Variants in MED15 observed in about 807,000 individuals in gnomAD.
MED15 encodes mediator complex subunit 15.
MED15 carries 41 observed loss-of-function variants against 118.7 expected under a neutral mutation model. The ratio of observed to expected loss-of-function variants is 0.35; its 90% CI spans 0.27 to 0.45. MED15 has a LOEUF of 0.45. Among genes scored for constraint, MED15 ranks in the 20% least tolerant of loss-of-function variants. MED15 has a pLI of 1.00. For synonymous variants in MED15, 436 were observed against 413.9 expected, an observed-to-expected ratio of 1.05 and a Z score of -0.65; for missense variants, 740 against 1,025.5, an observed-to-expected ratio of 0.72 and a Z score of 3.80.
In MED15 at chr22:20,557,469, A is replaced by G. The variant is rs5758468; in HGVS notation, c.451+2321A>G. 5.7e-4 allele frequency among the ~76,000 whole-genome samples: 86 copies of G among 151,946 alleles called. 1 individual carries two copies. The highest frequency in any genetic ancestry group is 1.1e-3 in the Non-Finnish European group (73 of 67,972). On this transcript the variant is annotated intron_variant, in intron 5 of 17. Coordinates refer to ENST00000263205, the MANE Select transcript of MED15 (RefSeq NM_001003891.3). ...CGTCCCAAGCTCTCATTACCTCACT[A>G]TTTTTAGCACATCAGATAAGTACAC...
At chr22:20,509,446 T>G (rs2053987551) in intron 1 of MED15, among the ~76,000 whole-genome samples, 1 of 152,094 alleles carries the variant, frequency 6.6e-6, no homozygotes, top group Non-Finnish European at 1.5e-5. Flanking sequence ...CATTGCTCCG[T>G]AAAATGATTG....
At chr22:20,520,161 A>C (rs73879393) in intron 1 of MED15, among the ~76,000 whole-genome samples, 1 of 152,130 alleles carries the variant, frequency 6.6e-6, no homozygotes, top group Non-Finnish European at 1.5e-5. Flanking sequence ...TTCCCAGCCT[A>C]CGTACCCCTT....
intron 1 of MED15, chr22:20,522,158 T>C (rs1277176159): frequency 6.6e-6 from 1 of 152,246 alleles, no homozygotes. Flanking sequence ...GGAATGGCTT[T>C]GGTCATGTCT....
rs143202097 is a variant in MED15 at position 20,562,217 on chromosome 22, A to G, written c.452-2233A>G. ...AAAGATGTATTGGGCAATTACTTCA[A>G]TTACATCTCTTTGTTATTGATAAAC... On this transcript the variant is annotated intron_variant, in intron 5 of 17. Coordinates refer to ENST00000263205, the MANE Select transcript of MED15 (RefSeq NM_001003891.3). Among the ~76,000 whole-genome samples, 562 of 152,308 alleles carry G rather than the reference A, an allele frequency of 3.7e-3. 5 individuals carry two copies. The highest frequency in any genetic ancestry group is 0.027 in the Middle Eastern group (8 of 294).
At chr22:20,511,810 G>T (rs2054074040) in intron 1 of MED15, among the ~76,000 whole-genome samples, 1 of 151,940 alleles carries the variant, frequency 6.6e-6, no homozygotes, top group African/African-American at 2.4e-5. Flanking sequence ...TGAGGGTGAG[G>T]CCTAAAGTGT....
At position 20,535,872 on chromosome 22, in the gene MED15, C is replaced by CT. The variant is rs536712415; in HGVS notation, c.69-1222dup. 1.9e-3 allele frequency among the ~76,000 whole-genome samples: 184 copies of CT among 98,666 alleles called. 3 individuals are homozygous for CT. The highest frequency in any genetic ancestry group is 0.011 in the South Asian group (32 of 2,856). The allele number at this position is 98,666 out of a possible 152,430, so 64.7% of individuals were successfully genotyped here. On this transcript the variant is annotated intron_variant, in intron 1 of 17. Coordinates refer to ENST00000263205, the MANE Select transcript of MED15 (RefSeq NM_001003891.3). ...CCGTGCTCAGCCTGCTTCTTTCTTT[C>CT]TTTTTTTTTTTTTTTTTTTTTTTGA...
intron 5 of MED15, among the ~76,000 whole-genome samples, chr22:20,557,143 C>G (rs907183692): frequency 3.3e-5 from 5 of 152,154 alleles, no homozygotes; most frequent in African/African-American, 1.2e-4. Context: ...AAGAGGGCAG[C>G]ATCGCCCCCT....
intron 8 of MED15, chr22:20,574,094 C>G (rs1275642473): frequency 6.6e-6 from 1 of 152,286 alleles, no homozygotes; most frequent in African/African-American, 2.4e-5. Flanking sequence ...CTGTTACTGG[C>G]ACCTGTCGCT....
chr22:20,515,107 G>A (rs1417037784), intron 1 of MED15, among the ~76,000 whole-genome samples: 1 of 152,176 alleles, frequency 6.6e-6, no homozygotes, highest in Non-Finnish European at 1.5e-5. Flanking sequence ...GAGCCTCTAG[G>A]CCAGTCGTGA....
rs535326491 is a variant in MED15, at chr22:20,562,465, A to G, written c.452-1985A>G. Reference sequence around the variant, plus strand: ...AGTGGCGCGATCTCGGCTCACTGCAACCTCTGCCTCCCGGGTTCAAGCAAT... The same window carrying G: ...AGTGGCGCGATCTCGGCTCACTGCAGCCTCTGCCTCCCGGGTTCAAGCAAT... On this transcript the variant is annotated intron_variant, in intron 5 of 17. Transcript: ENST00000263205. Among the ~76,000 whole-genome samples the G allele has an allele frequency of 3.3e-4, 50 of 152,124 alleles. 1 individual carries two copies. Among genetic ancestry groups the G allele is most frequent in the African/African-American group, 1.2e-3 (50 of 41,494 alleles).
In MED15 at chr22:20,549,722, C is replaced by T. The variant is rs1019412225; in HGVS notation, c.157-1714C>T. The stretch of plus-strand genomic sequence containing the variant: ...TCACATCAGGCGTCCCCTCCCTCCC[C>T]GCTCCCCACTAAGCCTCCTCACGCT... On this transcript the variant is annotated intron_variant, in intron 2 of 17. Transcript: ENST00000263205. Among the ~76,000 whole-genome samples the T allele has an allele frequency of 5.9e-5, 9 of 152,300 alleles. No homozygotes were observed. In the South Asian group the frequency reaches 6.2e-4, roughly 11 times the overall value.
chr22:20,524,680 G>A (rs746627533), intron 1 of MED15, among the ~76,000 whole-genome samples: 2 of 152,192 alleles, frequency 1.3e-5, no homozygotes, highest in African/African-American at 2.4e-5. Context: ...GGAGTGCAGT[G>A]GCACGATCTC....
In MED15 at chr22:20,507,726, G is replaced by A; in HGVS notation, c.48G>A (p.Arg16=). 1 of 1,614,074 alleles carries A rather than the reference G, an allele frequency of 6.2e-7. No homozygotes were observed. The highest frequency in any genetic ancestry group is 8.5e-7 in the Non-Finnish European group (1 of 1,179,944). Residue 16 remains arginine, a synonymous_variant, in exon 1 of 18, where the codon CGG becomes CGA. Coordinates refer to ENST00000263205, the MANE Select transcript of MED15 (RefSeq NM_001003891.3). The part of the protein sequence containing the change: ...QETDWRSTAF[R]QKLVSQIEDA... ...CCGACTGGCGGAGCACCGCCTTCCG[G>A]CAGAAGCTGGTCAGTCAAATGTGAG...
chr22:20,555,978 C>T (rs1437909749), intron 5 of MED15, among the ~76,000 whole-genome samples: 1 of 152,236 alleles, frequency 6.6e-6, no homozygotes, highest in African/African-American at 2.4e-5. Context: ...TCACCTCGGC[C>T]TCCCAAAGTG....
chr22:20,532,565 A>G (rs2054901465), intron 1 of MED15, among the ~76,000 whole-genome samples: 1 of 152,184 alleles, frequency 6.6e-6, no homozygotes, highest in African/African-American at 2.4e-5. Flanking sequence ...CCAAAGGCAG[A>G]GCATTGGAGC....
chr22:20,515,899 A>G (rs1050817519), intron 1 of MED15, among the ~76,000 whole-genome samples: 28 of 152,288 alleles, frequency 1.8e-4, no homozygotes, highest in Admixed American at 2.6e-4. Context: ...GCTACTTGGG[A>G]GGCTGAGGTA....
intron 9 of MED15, among the ~76,000 whole-genome samples, chr22:20,578,395 G>A (rs938167337): frequency 6.6e-6 from 1 of 152,170 alleles, no homozygotes; most frequent in Non-Finnish European, 1.5e-5. Flanking sequence ...CTTCCCCGCA[G>A]AGGGCCCTCC....
At chr22:20,533,684 A>G (rs922182052) in intron 1 of MED15, among the ~76,000 whole-genome samples, 2 of 152,148 alleles carry the variant, frequency 1.3e-5, no homozygotes, top group Non-Finnish European at 2.9e-5. Context: ...GCCTGTCAAG[A>G]CTTGCCTGTT....
intron 15 of MED15, 33 bp from the exon 16 acceptor site, chr22:20,585,068 G>T: frequency 6.2e-7 from 1 of 1,613,402 alleles, no homozygotes; most frequent in Non-Finnish European, 8.5e-7. Context: ...TGGGCCGCGT[G>T]TGCCAGGTGT....
Sources: allele counts gnomAD v4.1 joint callset (sites outside exome capture counted in the v4.1 genomes callset), GRCh38; gene constraint gnomAD v4.1.1; transcripts MANE v1.5; gene names NCBI Gene and HGNC (gene_info 2026-07-23, HGNC 2026-07-21).